Variants in WDR33 observed in about 807,000 individuals in gnomAD.
The protein encoded by WDR33 is pre-mRNA 3' end processing protein WDR33.
Under a neutral mutation model 164.9 loss-of-function variants are expected in WDR33, and 47 were observed. The observed-to-expected ratio is 0.29, with a 90% CI of 0.23 to 0.36. The LOEUF is 0.36. Among genes scored for constraint, WDR33 ranks in the 10% least tolerant of loss-of-function variants. WDR33 has a pLI of 1.00. For missense variants in WDR33, 1,137 were observed against 1,754.1 expected (o/e 0.65, Z 6.28); for synonymous variants, 505 against 589.0 (o/e 0.86, Z 2.06).
chr2:127,775,343 C>T (rs879854954), intron 1 of WDR33, among the ~76,000 whole-genome samples: 1 of 152,194 alleles, frequency 6.6e-6, no homozygotes, highest in Admixed American at 6.5e-5. Flanking sequence ...TGCACTCCAC[C>T]ACTTCCAGCT....
chr2:127,779,722 G>C (rs1472670452), intron 1 of WDR33, among the ~76,000 whole-genome samples: 1 of 152,134 alleles, frequency 6.6e-6, no homozygotes, highest in Non-Finnish European at 1.5e-5. Flanking sequence ...CATAGCCAAA[G>C]AAGATCACAT....
intron 18 of WDR33, among the ~76,000 whole-genome samples, chr2:127,711,615 C>T (rs1054231629): frequency 2.0e-5 from 3 of 149,492 alleles, no homozygotes; most frequent in African/African-American, 7.4e-5. Context: ...TTATTTTTAA[C>T]CTCCCTATCT....
In WDR33 at chr2:127,763,796, A is replaced by G. The variant is rs1687747520; in HGVS notation, c.627-637T>C. 3 of 985,506 alleles carry G rather than the reference A, an allele frequency of 3.0e-6. No homozygotes were observed. Among genetic ancestry groups the G allele is most frequent in the Admixed American group, 6.2e-5 (1 of 16,260 alleles). 61.0% of individuals were successfully genotyped at this position (985,506 alleles called of 1,614,324 possible). A position where few individuals can be genotyped will look rare whatever the true frequency, so the allele number is the denominator to read the frequency against. ...AAAGAATCTGCTGCAAGAAGGAGTCAGTTTTTCCCAGCAGTGAAAGATCAT... is the reference window on the plus strand; with the variant it reads ...AAAGAATCTGCTGCAAGAAGGAGTCGGTTTTTCCCAGCAGTGAAAGATCAT... On this transcript the variant is annotated intron_variant, in intron 6 of 21. Transcript: ENST00000322313. This position sits in a 1 kb window ranked among gnomAD's most constrained non-coding sequence, Gnocchi z 4.5.
At chr2:127,780,587 G>A (rs1688337951) in intron 1 of WDR33, among the ~76,000 whole-genome samples, 1 of 152,204 alleles carries the variant, frequency 6.6e-6, no homozygotes, top group Non-Finnish European at 1.5e-5. Flanking sequence ...GTTTTGGCCA[G>A]GCACAGAGGC....
chr2:127,751,042 C>T (rs1439330396), intron 7 of WDR33, among the ~76,000 whole-genome samples: 1 of 151,612 alleles, frequency 6.6e-6, no homozygotes, highest in Admixed American at 6.6e-5. Context: ...AACCTAAAAA[C>T]TGTAAAACTA....
In WDR33 at chr2:127,726,778, C is replaced by A; in HGVS notation, c.725-1G>T. 1 of 1,613,850 alleles carries A rather than the reference C, an allele frequency of 6.2e-7. No individual in the cohort carries two copies. Among genetic ancestry groups the A allele is most frequent in the Non-Finnish European group, 8.5e-7 (1 of 1,179,936 alleles). ...ACACATTTCACATCAGCACCATGCC[C>A]TGTCGGAAACAAGTTAGGATTAAAA... On this transcript the variant is annotated splice_acceptor_variant, in intron 7 of 21. Coordinates refer to ENST00000322313, the MANE Select transcript of WDR33 (RefSeq NM_018383.5). LOFTEE classifies it high-confidence loss of function. The surrounding 1 kb of genome is among the most constrained non-coding windows in gnomAD (Gnocchi z 4.8).
chr2:127,716,857 CAG>C lies in WDR33; in HGVS notation c.2869+296_2869+297del, dbSNP rs751684923. On this transcript the variant is annotated intron_variant, in intron 17 of 21. Transcript: ENST00000322313. This position sits in a 1 kb window ranked among gnomAD's most constrained non-coding sequence, Gnocchi z 4.5. ...GGTGCTACAAACACACACTTGCACT[CAG>C]TGAGCACAGGAACCACCTGCATTGC... 1.3e-5 allele frequency among the ~76,000 whole-genome samples: 2 copies of C among 152,244 alleles called. No homozygotes were observed. Among genetic ancestry groups the C allele is most frequent in the Non-Finnish European group, 2.9e-5 (2 of 68,036 alleles).
At chr2:127,804,509 A>G (rs372249086) in intron 1 of WDR33, among the ~76,000 whole-genome samples, 4 of 152,176 alleles carry the variant, frequency 2.6e-5, no homozygotes, top group Non-Finnish European at 4.4e-5. Context: ...GGAGAAGTGC[A>G]TATCTGTGAA....
At chr2:127,742,508 CAG>C (rs1171578161) in intron 7 of WDR33, among the ~76,000 whole-genome samples, 1 of 126,120 alleles carries the variant, frequency 7.9e-6, no homozygotes, top group Non-Finnish European at 1.6e-5. Flanking sequence ...GCCCAGGAGA[CAG>C]AGACCCTGTC....
intron 7 of WDR33, among the ~76,000 whole-genome samples, chr2:127,756,323 G>C (rs890779154): frequency 3.1e-4 from 31 of 101,266 alleles, no homozygotes; most frequent in African/African-American, 1.3e-3. Flanking sequence ...AACAGAGCAA[G>C]ATTCCAACTC....
At chr2:127,748,884 TAA>T (rs59425653) in intron 7 of WDR33, among the ~76,000 whole-genome samples, 3,049 of 104,878 alleles carry the variant, frequency 0.029, 126 homozygotes, top group South Asian at 0.19. Flanking sequence ...AGCTGAAACT[TAA>T]AAAAAAAAAA....
intron 1 of WDR33, among the ~76,000 whole-genome samples, chr2:127,793,395 C>T (rs1178901107): frequency 6.6e-6 from 1 of 151,832 alleles, no homozygotes; most frequent in Non-Finnish European, 1.5e-5. Context: ...CATACCACTG[C>T]ACTCCAGCCT....
chr2:127,750,777 T>C (rs1225744197), intron 7 of WDR33, among the ~76,000 whole-genome samples: 1 of 134,750 alleles, frequency 7.4e-6, no homozygotes, highest in African/African-American at 2.8e-5. Flanking sequence ...TATATACACA[T>C]ATATATACAC....
At position 127,714,547 on chromosome 2, in the gene WDR33, C is replaced by A. The variant is rs1427095644; in HGVS notation, c.2870-526G>T. On this transcript the variant is annotated intron_variant, in intron 17 of 21. Transcript: ENST00000322313. The surrounding 1 kb of genome is among the most constrained non-coding windows in gnomAD (Gnocchi z 4.3). ...TTCCTCTGTAAGGTACATGCAATCA[C>A]CAGCCTCTCAAATACCTGCCTGATG... is the stretch of plus-strand genomic sequence containing the variant. Among the ~76,000 whole-genome samples the A allele has an allele frequency of 6.6e-6, 1 of 152,212 alleles. No homozygotes were observed. Among genetic ancestry groups the A allele is most frequent in the African/African-American group, 2.4e-5 (1 of 41,450 alleles).
At chr2:127,807,199 T>C in intron 1 of WDR33, among the ~76,000 whole-genome samples, 1 of 152,114 alleles carries the variant, frequency 6.6e-6, no homozygotes, top group East Asian at 1.9e-4. Flanking sequence ...AGGGATGGGG[T>C]TTCACCATGT....
rs1685983006 is a variant in WDR33 at position 127,705,130 on chromosome 2, A to G, written c.*1193T>C. On this transcript the variant is annotated 3_prime_UTR_variant, in exon 22 of 22. Coordinates refer to ENST00000322313, the MANE Select transcript of WDR33 (RefSeq NM_018383.5). The surrounding 1 kb of genome is among the most constrained non-coding windows in gnomAD (Gnocchi z 4.5). ...CCACTAAATTTGCCAAATAAATTTG[A>G]CTGATGCCAAAACTGAAGCTGCCAA... The G allele has an allele frequency of 6.0e-6, 1 of 167,112 alleles. No homozygotes were observed. The highest frequency in any genetic ancestry group is 1.5e-5 in the Non-Finnish European group (1 of 68,124). 10.4% of individuals were successfully genotyped at this position (167,112 alleles called of 1,614,324 possible).
intron 1 of WDR33, among the ~76,000 whole-genome samples, chr2:127,790,215 C>T (rs151025373): frequency 5.3e-5 from 8 of 152,260 alleles, no homozygotes; most frequent in African/African-American, 1.9e-4. Flanking sequence ...TATGGTTTTC[C>T]TTAGTCTACT....
chr2:127,731,539 G>A (rs763300072), intron 7 of WDR33, among the ~76,000 whole-genome samples: 5 of 152,134 alleles, frequency 3.3e-5, no homozygotes, highest in African/African-American at 9.7e-5. Context: ...CAAGATTTAT[G>A]TACAAAGATA....
chr2:127,771,760 A>G (rs1229743572), intron 1 of WDR33, among the ~76,000 whole-genome samples: 1 of 132,528 alleles, frequency 7.5e-6, no homozygotes, highest in Non-Finnish European at 1.6e-5. Context: ...CCTGAGTGAC[A>G]GGGAGAGACC....
Sources: allele counts gnomAD v4.1 joint callset (sites outside exome capture counted in the v4.1 genomes callset), GRCh38; gene constraint gnomAD v4.1.1; non-coding constraint Gnocchi (gnomAD v3.1); transcripts MANE v1.5; gene names NCBI Gene and HGNC (gene_info 2026-07-23, HGNC 2026-07-21).